ZCCHC10: variants seen among roughly 807,000 people sequenced by gnomAD.
The protein encoded by ZCCHC10 is zinc finger CCHC-type containing 10.
A neutral mutation model predicts 19.5 loss-of-function variants in ZCCHC10; 16 were observed. The observed-to-expected ratio is 0.82, with a 90% CI of 0.56 to 1.25. The LOEUF (loss-of-function observed/expected upper bound fraction) is 1.25. ZCCHC10 is among the 50% of genes most tolerant of loss of function. ZCCHC10 has a pLI of 0.00. For missense variants in ZCCHC10, 197 were observed against 201.0 expected (o/e 0.98, Z 0.12); for synonymous variants, 67 against 72.5 (o/e 0.92, Z 0.38).
Position 133,006,200 on chromosome 5 carries a change from C to T in ZCCHC10, c.269+559G>A, listed in dbSNP as rs190447218. On this transcript the variant is annotated intron_variant, in intron 3 of 4. Coordinates refer to ENST00000509437, the MANE Select transcript of ZCCHC10 (RefSeq NM_001300816.3). ...GAATTTCACCATGTTGGCCAGGCGT[C>T]GGCCTCCCAAAGTGTTGGGATTATA... 3.3e-3 allele frequency among the ~76,000 whole-genome samples: 498 copies of T among 151,804 alleles called. 4 individuals are homozygous for T. Among genetic ancestry groups the T allele is most frequent in the African/African-American group, 0.011 (466 of 41,458 alleles).
rs1446567426 is a variant in ZCCHC10 at position 133,011,624 on chromosome 5, T to TG, written c.108-4705_108-4704insC. Among the ~76,000 whole-genome samples the TG allele has an allele frequency of 2.7e-4, 12 of 44,810 alleles. No homozygotes were observed. The East Asian group carries it at 7.7e-3, about 29-fold the overall frequency. The allele number at this position is 44,810 out of a possible 152,430, so 29.4% of individuals were successfully genotyped here. A position where few individuals can be genotyped will look rare whatever the true frequency, so the allele number is the denominator to read the frequency against. On this transcript the variant is annotated intron_variant, in intron 2 of 4. Transcript: ENST00000509437. ...CTGGGCAATACAGTGAGACTCCATC[T>TG]AAAAAAAAAAAAAAAAAAAAAAAAC...
intron 2 of ZCCHC10, chr5:133,011,500 C>A (rs1422201678): frequency 6.6e-6 from 1 of 151,820 alleles, no homozygotes; most frequent in Non-Finnish European, 1.5e-5. Flanking sequence ...GTGGTAGACA[C>A]CTGTAATCCT....
At chr5:133,000,072 T>G in intron 4 of ZCCHC10, 60 bp downstream of exon 4, 1 of 1,568,746 alleles carries the variant, frequency 6.4e-7, no homozygotes, top group Non-Finnish European at 8.7e-7. Flanking sequence ...AAATCACCTT[T>G]CCCATCCCGC....
rs1420695033 is a variant in ZCCHC10 at position 133,006,758 on chromosome 5, C to T, written c.269+1G>A. On this transcript the variant is annotated splice_donor_variant, in intron 3 of 4. Transcript: ENST00000509437. LOFTEE classifies it high-confidence loss of function. Reference sequence around the variant, plus strand: ...CCTTTGGATACCACATGTAAACCTACCTTTGTTGCAATAATAATCTGTTTT... The same window carrying T: ...CCTTTGGATACCACATGTAAACCTATCTTTGTTGCAATAATAATCTGTTTT... The T allele has an allele frequency of 1.3e-6, 2 of 1,599,890 alleles. No homozygotes were observed. The highest frequency in any genetic ancestry group is 1.7e-6 in the Non-Finnish European group (2 of 1,175,682).
At chr5:133,024,488 C>A (rs1438529063) in intron 1 of ZCCHC10, among the ~76,000 whole-genome samples, 1 of 152,170 alleles carries the variant, frequency 6.6e-6, no homozygotes, top group Non-Finnish European at 1.5e-5. Context: ...TAGAGCCTAT[C>A]CAAATATGGA....
intron 2 of ZCCHC10, among the ~76,000 whole-genome samples, chr5:133,015,353 A>G (rs1485028530): frequency 6.6e-6 from 1 of 152,184 alleles, no homozygotes; most frequent in Non-Finnish European, 1.5e-5. Context: ...TGCTGGGATT[A>G]CAGGCAGAAG....
chr5:133,020,405 C>G (rs1764223254), intron 2 of ZCCHC10, among the ~76,000 whole-genome samples: 1 of 151,986 alleles, frequency 6.6e-6, no homozygotes, highest in Admixed American at 6.6e-5. Flanking sequence ...GATCACGCCA[C>G]TGTACTCCAG....
rs1311279622 is a variant in ZCCHC10, at chr5:133,008,532, C to T, written c.108-1612G>A. 5.4e-4 allele frequency among the ~76,000 whole-genome samples: 60 copies of T among 111,530 alleles called. 1 individual carries two copies. The highest frequency in any genetic ancestry group is 9.1e-4 in the Non-Finnish European group (52 of 56,952). The allele number at this position is 111,530 out of a possible 152,430, so 73.2% of individuals were successfully genotyped here. On this transcript the variant is annotated intron_variant, in intron 2 of 4. Coordinates refer to ENST00000509437, the MANE Select transcript of ZCCHC10 (RefSeq NM_001300816.3). The stretch of plus-strand genomic sequence containing the variant: ...CAGCCTGGGCAACAGGGTGAGACTC[C>T]ATCTCAAAAAAAAAAAAAAAAAATC...
chr5:133,003,449 T>G lies in ZCCHC10; in HGVS notation c.270-3276A>C, dbSNP rs566690938. ...CAATTTTCCACTTAACAGGAAATATTTCTCCTCTAAATGCATGAAATCATG... is the reference window on the plus strand; with the variant it reads ...CAATTTTCCACTTAACAGGAAATATGTCTCCTCTAAATGCATGAAATCATG... On this transcript the variant is annotated intron_variant, in intron 3 of 4. Transcript: ENST00000509437. The G allele has an allele frequency of 9.4e-5, 21 of 224,066 alleles. No homozygotes were observed. The South Asian group carries it at 1.2e-3, about 13-fold the overall frequency. 13.9% of individuals were successfully genotyped at this position (224,066 alleles called of 1,614,324 possible).
At chr5:133,020,019 T>C (rs190106979) in intron 2 of ZCCHC10, among the ~76,000 whole-genome samples, 67 of 144,414 alleles carry the variant, frequency 4.6e-4, no homozygotes, top group African/African-American at 1.4e-3. Flanking sequence ...ATCTAGAAAA[T>C]ACCTAAGAAT....
At chr5:133,017,273 G>C (rs1162095211) in intron 2 of ZCCHC10, among the ~76,000 whole-genome samples, 1 of 152,106 alleles carries the variant, frequency 6.6e-6, no homozygotes, top group Non-Finnish European at 1.5e-5. Context: ...TTGACCCTCT[G>C]CATAGACACC....
intron 4 of ZCCHC10, 102 bp from the exon 5 acceptor site, chr5:132,998,952 G>T: frequency 6.8e-7 from 1 of 1,472,798 alleles, no homozygotes. Flanking sequence ...GTCTTGCTCT[G>T]TTGCCCAGTG....
intron 2 of ZCCHC10, among the ~76,000 whole-genome samples, chr5:133,011,074 G>C (rs1763473669): frequency 6.6e-6 from 1 of 151,746 alleles, no homozygotes; most frequent in African/African-American, 2.4e-5. Context: ...TTACAGGTGT[G>C]AGCCACCGCA....
In ZCCHC10 at chr5:133,026,354, G is replaced by A. The variant is rs531771148; in HGVS notation, c.41+143C>T. On this transcript the variant is annotated intron_variant, in intron 1 of 4. Coordinates refer to ENST00000509437, the MANE Select transcript of ZCCHC10 (RefSeq NM_001300816.3). ...CCCCCGGTCACCAGACTTATCGCCC[G>A]GGCCCGAGCCCCCCGGGAGCCAGAA... 16 of 1,213,860 alleles carry A rather than the reference G, an allele frequency of 1.3e-5. No individual in the cohort carries two copies. The Admixed American group carries it at 3.4e-4, about 26-fold the overall frequency. 75.2% of individuals were successfully genotyped at this position (1,213,860 alleles called of 1,614,324 possible). A position where few individuals can be genotyped will look rare whatever the true frequency, so the allele number is the denominator to read the frequency against.
At position 132,998,840 on chromosome 5, in the gene ZCCHC10, C is replaced by T; in HGVS notation, c.322G>A (p.Val108Ile). ...RKAKKKRSKS[V>I]TSSSSSSSDS... is the part of the protein sequence containing the mutation. Reference sequence around the variant, plus strand: ...CTGCTACTGCTACTGGAACTGGTTACACTCTTAGACCTATTAGACAATACA... The same window carrying T: ...CTGCTACTGCTACTGGAACTGGTTATACTCTTAGACCTATTAGACAATACA... Residue 108 changes from valine (V) to isoleucine (I), a missense_variant, in exon 5 of 5, where the codon GTA (valine) becomes ATA (isoleucine). Physicochemically the swap from Val to Ile is conservative, Grantham distance 29 (BLOSUM62 3). Transcript: ENST00000509437. The T allele has an allele frequency of 3.1e-6, 5 of 1,614,140 alleles. No individual in the cohort carries two copies. The highest frequency in any genetic ancestry group is 1.7e-5 in the Admixed American group (1 of 60,010).
At chr5:133,004,537 G>A (rs1762984878) in intron 3 of ZCCHC10, among the ~76,000 whole-genome samples, 1 of 151,938 alleles carries the variant, frequency 6.6e-6, no homozygotes, top group South Asian at 2.1e-4. Context: ...ACCCGGGCTA[G>A]AGTGCAGTGG....
chr5:133,009,149 T>C (rs1348304550), intron 2 of ZCCHC10, among the ~76,000 whole-genome samples: 2 of 151,990 alleles, frequency 1.3e-5, no homozygotes, highest in Non-Finnish European at 2.9e-5. Flanking sequence ...ACTACAGGCA[T>C]GCACTATCAC....
Position 132,998,416 on chromosome 5 carries a change from A to C in ZCCHC10, c.*167T>G, listed in dbSNP as rs1762552694. ...CTTCAAATAAAAGTCTCTCTCTATA[A>C]GCCATTATTAATATTCTCTATGCTC... On this transcript the variant is annotated 3_prime_UTR_variant, in exon 5 of 5. Transcript: ENST00000509437. 1 of 609,718 alleles carries C rather than the reference A, an allele frequency of 1.6e-6. No homozygotes were observed. Among genetic ancestry groups the C allele is most frequent in the South Asian group, 2.2e-5 (1 of 46,206 alleles). 37.8% of individuals were successfully genotyped at this position (609,718 alleles called of 1,614,324 possible).
chr5:133,019,206 A>G (rs1022582300), intron 2 of ZCCHC10: 1 of 192,404 alleles, frequency 5.2e-6, no homozygotes, highest in African/African-American at 2.5e-5. Flanking sequence ...CACTGTCTCT[A>G]AAAAAAAAAA....
Sources: allele counts gnomAD v4.1 joint callset (sites outside exome capture counted in the v4.1 genomes callset), GRCh38; gene constraint gnomAD v4.1.1; transcripts MANE v1.5; gene names NCBI Gene and HGNC (gene_info 2026-07-23, HGNC 2026-07-21).